NOX3: variants seen among roughly 807,000 people sequenced by gnomAD.
The protein encoded by NOX3 is NADPH oxidase catalytic subunit-like 3.
In NOX3, 74 loss-of-function variants were observed where a neutral mutation model predicts 76.7. The observed-to-expected ratio is 0.96, with a 90% CI of 0.80 to 1.17. The LOEUF (loss-of-function observed/expected upper bound fraction) is 1.17. Ranked by LOEUF, NOX3 falls within the 50% of genes most tolerant of loss-of-function variation. The probability of loss-of-function intolerance (pLI) is 0.00; values close to 1 mark genes in which losing one functional copy is unlikely to be tolerated. For missense variants in NOX3, 695 were observed against 703.3 expected, an observed-to-expected ratio of 0.99 and a Z score of 0.13; for synonymous variants, 263 against 261.1, an observed-to-expected ratio of 1.01 and a Z score of -0.07.
At chr6:155,455,166 C>T in intron 1 of NOX3, 37 bp from the exon 2 acceptor site, 6 of 1,360,288 alleles carry the variant, frequency 4.4e-6, no homozygotes, top group South Asian at 1.2e-5. Context: ...TGATTACTAC[C>T]TTCAAGCTTT....
intron 8 of NOX3, among the ~76,000 whole-genome samples, chr6:155,429,421 T>A (rs983178657): frequency 1.3e-5 from 2 of 152,250 alleles, no homozygotes; most frequent in African/African-American, 2.4e-5. Context: ...ACATTATCTC[T>A]GTGTTTTTAA....
chr6:155,436,869 G>A (rs1776911463), intron 6 of NOX3, among the ~76,000 whole-genome samples: 1 of 152,162 alleles, frequency 6.6e-6, no homozygotes, highest in Non-Finnish European at 1.5e-5. Context: ...AATTTAATTA[G>A]GTTTCATCTT....
chr6:155,434,007 C>A (rs1378822367), intron 7 of NOX3, among the ~76,000 whole-genome samples: 1 of 152,138 alleles, frequency 6.6e-6, no homozygotes, highest in Non-Finnish European at 1.5e-5. Context: ...AATAATGAAA[C>A]TTGTTTCCTT....
chr6:155,403,890 C>T (rs1779266747), intron 12 of NOX3, among the ~76,000 whole-genome samples: 1 of 151,966 alleles, frequency 6.6e-6, no homozygotes, highest in African/African-American at 2.4e-5. Flanking sequence ...AGGCCTTCCG[C>T]ACTGGGCTGC....
At chr6:155,421,170 G>A (rs1017940592) in intron 10 of NOX3, among the ~76,000 whole-genome samples, 4 of 152,140 alleles carry the variant, frequency 2.6e-5, no homozygotes, top group Non-Finnish European at 5.9e-5. Context: ...CCATGTGTTG[G>A]TTTTGTCATG....
chr6:155,397,063 T>C (rs773684406), intron 12 of NOX3, 101 bp from the exon 13 acceptor site: 155 of 1,131,500 alleles, frequency 1.4e-4, no homozygotes, highest in Non-Finnish European at 1.8e-4. Flanking sequence ...GTGGCTTTAC[T>C]TATTTATTTT....
At chr6:155,413,537 A>G (rs231939) in intron 10 of NOX3, among the ~76,000 whole-genome samples, 53,443 of 151,868 alleles carry the variant, frequency 0.35, 12,470 homozygotes, top group African/African-American at 0.66. Flanking sequence ...AGGAAAGGAG[A>G]CCAGTTAGGG....
At position 155,417,837 on chromosome 6, in the gene NOX3, G is replaced by C. The variant is rs1776639891; in HGVS notation, c.1308+4857C>G. 2.0e-5 allele frequency among the ~76,000 whole-genome samples: 3 copies of C among 151,916 alleles called. No individual in the cohort carries two copies. The South Asian group carries it at 6.2e-4, about 32-fold the overall frequency. ...CTCTTTCCCTTGTTCCCACTGGCCC[G>C]TGCTGTCTTTTTATTTGAATTATCT... is the stretch of plus-strand genomic sequence containing the variant. On this transcript the variant is annotated intron_variant, in intron 10 of 13. Transcript: ENST00000159060.
At chr6:155,441,519 T>C (rs1776985684) in intron 5 of NOX3, among the ~76,000 whole-genome samples, 1 of 152,212 alleles carries the variant, frequency 6.6e-6, no homozygotes, top group Non-Finnish European at 1.5e-5. Flanking sequence ...TTGCAATGTA[T>C]CCTCCAAAAC....
chr6:155,440,994 G>A (rs1403765404), intron 5 of NOX3, among the ~76,000 whole-genome samples: 1 of 152,168 alleles, frequency 6.6e-6, no homozygotes, highest in Non-Finnish European at 1.5e-5. Flanking sequence ...CCTGGAATAA[G>A]GCTTGGTAAA....
At chr6:155,398,800 C>G (rs1779174291) in intron 12 of NOX3, among the ~76,000 whole-genome samples, 1 of 152,200 alleles carries the variant, frequency 6.6e-6, no homozygotes, top group South Asian at 2.1e-4. Flanking sequence ...ACAAAGCCCC[C>G]AGTTTCTCAT....
At chr6:155,431,610 A>G (rs1163299541) in intron 7 of NOX3, among the ~76,000 whole-genome samples, 2 of 152,230 alleles carry the variant, frequency 1.3e-5, no homozygotes, top group Non-Finnish European at 2.9e-5. Flanking sequence ...TATAATGTGC[A>G]TTACTGATGA....
rs556206755 is a variant in NOX3, at chr6:155,434,858, C to T, written c.798+1560G>A. On this transcript the variant is annotated intron_variant, in intron 7 of 13. Transcript: ENST00000159060. Reference sequence around the variant, plus strand: ...GTACAAAACGTTATCTGTCCTAACACTGGGAACAGTGAACCGCTGAAGGAG... The same window carrying T: ...GTACAAAACGTTATCTGTCCTAACATTGGGAACAGTGAACCGCTGAAGGAG... Among the ~76,000 whole-genome samples, 18 of 152,248 alleles carry T rather than the reference C, an allele frequency of 1.2e-4. No homozygotes were observed. The South Asian group carries it at 2.7e-3, about 23-fold the overall frequency.
chr6:155,401,911 T>C (rs2114674349), intron 12 of NOX3, among the ~76,000 whole-genome samples: 1 of 152,142 alleles, frequency 6.6e-6, no homozygotes, highest in Admixed American at 6.5e-5. Flanking sequence ...AAACTACAAA[T>C]ATTATCTGAA....
At chr6:155,404,299 G>A (rs1444514964) in intron 12 of NOX3, among the ~76,000 whole-genome samples, 2 of 152,112 alleles carry the variant, frequency 1.3e-5, no homozygotes, top group African/African-American at 4.8e-5. Flanking sequence ...CTTAGACTCA[G>A]AAGCACTGGG....
chr6:155,431,441 C>CACACACAT (rs1776832701), intron 7 of NOX3, among the ~76,000 whole-genome samples: 1 of 151,728 alleles, frequency 6.6e-6, no homozygotes, highest in African/African-American at 2.4e-5. Context: ...CACACACACA[C>CACACACAT]ACACACAGTT....
chr6:155,418,462 A>G (rs1309750305), intron 10 of NOX3, among the ~76,000 whole-genome samples: 6 of 152,106 alleles, frequency 3.9e-5, no homozygotes, highest in Non-Finnish European at 1.5e-5. Flanking sequence ...TGCGTTGAAA[A>G]TATTTCTTTC....
chr6:155,422,673 G>T (rs200442454), intron 10 of NOX3, 21 bp downstream of exon 10: 11 of 1,611,366 alleles, frequency 6.8e-6, no homozygotes, highest in Non-Finnish European at 8.5e-6. Flanking sequence ...ATGGAAGGGT[G>T]AACTAATGAT....
Position 155,454,461 on chromosome 6 carries a change from G to A in NOX3, c.255+350C>T, listed in dbSNP as rs369147065. Reference sequence around the variant, plus strand: ...GCTTTTGTGGGTGAGAACCCAGAGAGATGTTTCCTGGTGGCGTTTGTCTCA... The same window carrying A: ...GCTTTTGTGGGTGAGAACCCAGAGAAATGTTTCCTGGTGGCGTTTGTCTCA... On this transcript the variant is annotated intron_variant, in intron 3 of 13. Transcript: ENST00000159060. Among the ~76,000 whole-genome samples, 12 of 152,346 alleles carry A rather than the reference G, an allele frequency of 7.9e-5. No homozygotes were observed. In the East Asian group the frequency reaches 1.9e-3, roughly 24 times the overall value.
Sources: allele counts gnomAD v4.1 joint callset (sites outside exome capture counted in the v4.1 genomes callset), GRCh38; gene constraint gnomAD v4.1.1; transcripts MANE v1.5; gene names NCBI Gene and HGNC (gene_info 2026-07-23, HGNC 2026-07-21).